The following TCAIM variants were observed in gnomAD, a reference collection of about 807,000 sequenced individuals.
TCAIM encodes T-cell activation inhibitor, mitochondrial.
TCAIM carries 36 observed loss-of-function variants against 58.6 expected under a neutral mutation model. The observed-to-expected ratio is 0.61, with a 90% CI of 0.47 to 0.81. TCAIM has a LOEUF of 0.81. TCAIM is among the 30% of genes least tolerant of loss of function. The probability of loss-of-function intolerance (pLI) is 0.00; values close to 1 mark genes in which losing one functional copy is unlikely to be tolerated. For missense variants in TCAIM, 466 were observed against 579.6 expected, an observed-to-expected ratio of 0.80 and a Z score of 2.01; for synonymous variants, 172 against 193.6, an observed-to-expected ratio of 0.89 and a Z score of 0.93.
At chr3:44,394,520 TAAAC>T (rs1413543206) in intron 6 of TCAIM, among the ~76,000 whole-genome samples, 1 of 152,040 alleles carries the variant, frequency 6.6e-6, no homozygotes, top group African/African-American at 2.4e-5. Context: ...AAGGATTTCT[TAAAC>T]AAAAAAAGAA....
intron 4 of TCAIM, among the ~76,000 whole-genome samples, chr3:44,366,600 A>G (rs1431469006): frequency 2.0e-5 from 3 of 149,576 alleles, no homozygotes; most frequent in Non-Finnish European, 3.0e-5. Flanking sequence ...AGCTGGGACT[A>G]CAGGCGCCCG....
chr3:44,373,444 T>A (rs1409555381), intron 5 of TCAIM, among the ~76,000 whole-genome samples: 1 of 151,522 alleles, frequency 6.6e-6, no homozygotes, highest in Admixed American at 6.6e-5. Context: ...GGTGGGCAGA[T>A]CACTTGATGT....
intron 4 of TCAIM, among the ~76,000 whole-genome samples, 159 bp downstream of exon 4, chr3:44,361,677 GCATA>G (rs1165901595): frequency 6.6e-6 from 1 of 152,078 alleles, no homozygotes; most frequent in Non-Finnish European, 1.5e-5. Flanking sequence ...ATTCCTACCT[GCATA>G]TGTTCGAACA....
chr3:44,348,862 G>A (rs374910130), intron 1 of TCAIM, among the ~76,000 whole-genome samples: 1 of 152,142 alleles, frequency 6.6e-6, no homozygotes, highest in African/African-American at 2.4e-5. Context: ...AACTGATTTG[G>A]GAAAGGTCTG....
In TCAIM at chr3:44,398,445, T is replaced by TTAGATAGATAGATAGA. The variant is rs58163075; in HGVS notation, c.885+1650_885+1665dup. Among the ~76,000 whole-genome samples the TTAGATAGATAGATAGA allele has an allele frequency of 1.4e-3, 203 of 145,346 alleles. 1 individual carries two copies. Among genetic ancestry groups the TTAGATAGATAGATAGA allele is most frequent in the Non-Finnish European group, 1.9e-3 (128 of 66,690 alleles). ...ACTGTGTCTCAAATAGATACAAAGA[T>TTAGATAGATAGATAGA]TAGATAGATAGATAGATAGATAGAT... On this transcript the variant is annotated intron_variant, in intron 8 of 10. Transcript: ENST00000342649.
intron 5 of TCAIM, among the ~76,000 whole-genome samples, chr3:44,386,457 T>C (rs1368594975): frequency 2.0e-5 from 3 of 152,138 alleles, no homozygotes; most frequent in African/African-American, 4.8e-5. Flanking sequence ...CCCCACCTCC[T>C]ACTGAATTGG....
intron 10 of TCAIM, among the ~76,000 whole-genome samples, chr3:44,406,727 C>T (rs1428788051): frequency 1.3e-5 from 2 of 152,146 alleles, no homozygotes; most frequent in African/African-American, 2.4e-5. Flanking sequence ...GGCAGTTTTG[C>T]TTTATTCACG....
chr3:44,351,106 G>A (rs777227809), intron 1 of TCAIM, among the ~76,000 whole-genome samples: 12 of 152,210 alleles, frequency 7.9e-5, no homozygotes, highest in Non-Finnish European at 1.8e-4. Flanking sequence ...AGGTTCAAGT[G>A]ATTCTGCCTG....
At chr3:44,366,468 T>G (rs1411838981) in intron 4 of TCAIM, among the ~76,000 whole-genome samples, 1 of 141,110 alleles carries the variant, frequency 7.1e-6, no homozygotes, top group Non-Finnish European at 1.5e-5. Context: ...TTGTTGTTTT[T>G]TTTTTTTTTT....
intron 5 of TCAIM, among the ~76,000 whole-genome samples, chr3:44,370,754 C>CT (rs1331295394): frequency 1.9e-5 from 1 of 53,556 alleles, no homozygotes; most frequent in Non-Finnish European, 3.7e-5. Flanking sequence ...TTCTTTCTTT[C>CT]TTTTTTTTTG....
chr3:44,397,487 G>A (rs760975389), intron 8 of TCAIM, among the ~76,000 whole-genome samples: 7 of 152,014 alleles, frequency 4.6e-5, no homozygotes, highest in East Asian at 1.9e-4. Context: ...TTATTACTGC[G>A]TACTATTTCA....
intron 5 of TCAIM, among the ~76,000 whole-genome samples, chr3:44,385,041 A>G (rs915785606): frequency 6.6e-6 from 1 of 152,188 alleles, no homozygotes; most frequent in African/African-American, 2.4e-5. Context: ...TCTGCAATGT[A>G]TTTGTCCTGG....
chr3:44,392,845 CTCTT>C lies in TCAIM; in HGVS notation c.573-6_573-3del, dbSNP rs758922570. On this transcript the variant is annotated splice_polypyrimidine_tract_variant and splice_region_variant and intron_variant, in intron 5 of 10. Coordinates refer to ENST00000342649, the MANE Select transcript of TCAIM (RefSeq NM_173826.4). ...TTAGTATTGTAAAGTATGTATCTCT[CTCTT>C]TCTAGATCCTGGTTAGATAACAATG... The C allele has an allele frequency of 2.5e-6, 4 of 1,609,952 alleles. No homozygotes were observed. Among genetic ancestry groups the C allele is most frequent in the South Asian group, 2.2e-5 (2 of 90,622 alleles).
intron 10 of TCAIM, 99 bp downstream of exon 10, chr3:44,401,433 A>C: frequency 7.0e-7 from 1 of 1,437,818 alleles, no homozygotes; most frequent in Non-Finnish European, 9.4e-7. Flanking sequence ...AACAGTATGA[A>C]GCTTAGGAAA....
chr3:44,355,635 C>T (rs866836690), intron 2 of TCAIM, among the ~76,000 whole-genome samples: 1 of 152,176 alleles, frequency 6.6e-6, no homozygotes, highest in African/African-American at 2.4e-5. Context: ...TTTCATTGAA[C>T]ATTGTAAAGT....
intron 5 of TCAIM, among the ~76,000 whole-genome samples, chr3:44,379,837 TAACA>T (rs959834996): frequency 2.0e-5 from 3 of 152,086 alleles, no homozygotes; most frequent in Non-Finnish European, 4.4e-5. Flanking sequence ...TACACCCATG[TAACA>T]AACCTGCACA....
rs1447336383 is a variant in TCAIM at position 44,400,466 on chromosome 3, C to T, written c.997C>T (p.Gln333Ter). 2 of 1,613,656 alleles carry T rather than the reference C, an allele frequency of 1.2e-6. No individual in the cohort carries two copies. The highest frequency in any genetic ancestry group is 4.5e-5 in the East Asian group (2 of 44,772). Reference protein sequence around the residue: ...GIQVVYIEELQPVLTLEEYYS... With the variant: ...GIQVVYIEEL ...ACAAGTTGTTTATATTGAAGAATTACAGCCAGTATTGACACTTGAAGAATA... is the reference window on the plus strand; with the variant it reads ...ACAAGTTGTTTATATTGAAGAATTATAGCCAGTATTGACACTTGAAGAATA... Residue 333 changes from glutamine to a stop codon, truncating the protein, a stop_gained, in exon 9 of 11, where the codon CAG becomes TAG. Coordinates refer to ENST00000342649, the MANE Select transcript of TCAIM (RefSeq NM_173826.4). LOFTEE classifies it high-confidence loss of function.
Position 44,367,832 on chromosome 3 carries a change from C to T in TCAIM, c.572+124C>T, listed in dbSNP as rs1701405869. On this transcript the variant is annotated intron_variant, in intron 5 of 10. Coordinates refer to ENST00000342649, the MANE Select transcript of TCAIM (RefSeq NM_173826.4). ...TGTAGTTCACATTTAAAATTAAAAC[C>T]TAATTTTCCAGGAAAAGTAATACTA... 6 of 984,362 alleles carry T rather than the reference C, an allele frequency of 6.1e-6. No homozygotes were observed. The South Asian group carries it at 8.8e-5, about 14-fold the overall frequency. 61.0% of individuals were successfully genotyped at this position (984,362 alleles called of 1,614,324 possible).
intron 5 of TCAIM, among the ~76,000 whole-genome samples, chr3:44,379,563 T>C (rs903142004): frequency 5.3e-5 from 8 of 152,190 alleles, no homozygotes; most frequent in African/African-American, 1.4e-4. Context: ...TGAGATCATG[T>C]CCTTTGCAGG....
Sources: allele counts gnomAD v4.1 joint callset (sites outside exome capture counted in the v4.1 genomes callset), GRCh38; gene constraint gnomAD v4.1.1; transcripts MANE v1.5; gene names NCBI Gene and HGNC (gene_info 2026-07-23, HGNC 2026-07-21).